Variants in LUZP1 observed in about 807,000 individuals in gnomAD.
LUZP1 encodes the protein leucine zipper protein 1.
A neutral mutation model predicts 71.3 loss-of-function variants in LUZP1; 25 were observed. That is an observed-to-expected ratio of 0.35 (90% CI 0.26 to 0.49). LUZP1 has a LOEUF of 0.49. LUZP1 is among the 20% of genes least tolerant of loss of function. The probability of loss-of-function intolerance (pLI) is 0.99; values close to 1 mark genes in which losing one functional copy is unlikely to be tolerated. For missense variants in LUZP1, 1,142 were observed against 1,300.8 expected (o/e 0.88, Z 1.88); for synonymous variants, 481 against 506.4 (o/e 0.95, Z 0.67).
At chr1:23,111,269 G>A (rs1274396321) in intron 2 of LUZP1, among the ~76,000 whole-genome samples, 4 of 151,268 alleles carry the variant, frequency 2.6e-5, no homozygotes, top group African/African-American at 9.7e-5. Flanking sequence ...AAAGGATCTA[G>A]GCCAGGCACA....
At chr1:23,089,558 G>A (rs751364909) in intron 4 of LUZP1, among the ~76,000 whole-genome samples, 27 of 151,880 alleles carry the variant, frequency 1.8e-4, no homozygotes, top group Non-Finnish European at 3.4e-4. Context: ...CAAAGCTTCA[G>A]GGGCCCAAAT....
At chr1:23,177,958 G>T (rs1409759234), upstream of LUZP1, 3 of 152,362 alleles carry the variant, frequency 2.0e-5, no homozygotes, top group African/African-American at 7.2e-5. Context: ...GACCGGCCGG[G>T]GGATGGGACC....
At chr1:23,096,072 T>C (rs956683117) in intron 3 of LUZP1, among the ~76,000 whole-genome samples, 4 of 151,454 alleles carry the variant, frequency 2.6e-5, no homozygotes, top group Non-Finnish European at 4.4e-5. Flanking sequence ...ACTAAGATTA[T>C]TGGCTAGAGA....
At position 23,094,510 on chromosome 1, in the gene LUZP1, G is replaced by C. The variant is rs1048403025; in HGVS notation, c.-119-130C>G. ...TAGCAGGGGCTCAAACCTGTTGAAT[G>C]AATGACTTGAATAAACCTGCAAGAA... On this transcript the variant is annotated intron_variant, in intron 3 of 4. Transcript: ENST00000302291. The surrounding 1 kb of genome is among the most constrained non-coding windows in gnomAD (Gnocchi z 4.7). 23 of 449,174 alleles carry C rather than the reference G, an allele frequency of 5.1e-5. No individual in the cohort carries two copies. Among genetic ancestry groups the C allele is most frequent in the Non-Finnish European group, 6.8e-5 (19 of 281,276 alleles). 27.8% of individuals were successfully genotyped at this position (449,174 alleles called of 1,614,324 possible). A position where few individuals can be genotyped will look rare whatever the true frequency, so the allele number is the denominator to read the frequency against.
exon 4 of LUZP1, chr1:23,092,112 G>A (rs375575786): frequency 1.8e-5 from 29 of 1,614,068 alleles, no homozygotes; most frequent in Non-Finnish European, 2.3e-5. Flanking sequence ...AGATTTCACA[G>A]ATTCATTCTC....
intron 2 of LUZP1, among the ~76,000 whole-genome samples, chr1:23,151,742 C>T (rs578212864): frequency 1.6e-4 from 24 of 152,204 alleles, no homozygotes; most frequent in Middle Eastern, 3.4e-3. Flanking sequence ...CAGTGGCTCA[C>T]GCCTGTAATC....
intron 2 of LUZP1, among the ~76,000 whole-genome samples, chr1:23,120,243 AG>A (rs1271422202): frequency 2.0e-5 from 3 of 151,850 alleles, no homozygotes; most frequent in Admixed American, 1.3e-4. Flanking sequence ...GCACCAGCCT[AG>A]GAAGTCCAAT....
rs1011313079 is a variant in LUZP1 at position 23,090,769 on chromosome 1, T to TC, written c.3072+420dup. On this transcript the variant is annotated intron_variant, in intron 4 of 4. Coordinates refer to ENST00000302291, the Ensembl canonical transcript of LUZP1. ...GCGGCCGAGAACTTGCTGACCTGGC[T>TC]CCCCCTCACTGTGCCCTACAGAAAG... 4.4e-6 allele frequency: 3 copies of TC among 677,970 alleles called. No homozygotes were observed. In the African/African-American group the frequency reaches 5.4e-5, roughly 12 times the overall value. The allele number at this position is 677,970 out of a possible 1,614,324, so 42.0% of individuals were successfully genotyped here. A position where few individuals can be genotyped will look rare whatever the true frequency, so the allele number is the denominator to read the frequency against.
In LUZP1 at chr1:23,094,410, T is replaced by A; in HGVS notation, c.-119-30A>T. ...AAAAGGAAAGTAGAAAGCATGTCAG[T>A]CAGCAAATGTAAAACCTGCACGTTA... On this transcript the variant is annotated intron_variant, in intron 3 of 4. Coordinates refer to ENST00000302291, the Ensembl canonical transcript of LUZP1. This position sits in a 1 kb window ranked among gnomAD's most constrained non-coding sequence, Gnocchi z 4.7. 7.1e-7 allele frequency: 1 copy of A among 1,404,760 alleles called. No individual in the cohort carries two copies. Among genetic ancestry groups the A allele is most frequent in the Non-Finnish European group, 9.2e-7 (1 of 1,084,014 alleles). The allele number at this position is 1,404,760 out of a possible 1,614,324, so 87.0% of individuals were successfully genotyped here. A position where few individuals can be genotyped will look rare whatever the true frequency, so the allele number is the denominator to read the frequency against.
At chr1:23,124,353 C>T (rs1172647655) in intron 2 of LUZP1, among the ~76,000 whole-genome samples, 2 of 152,142 alleles carry the variant, frequency 1.3e-5, no homozygotes, top group Non-Finnish European at 2.9e-5. Context: ...AGACTCCCAA[C>T]TCTGGTATCT....
At chr1:23,113,899 G>A in intron 2 of LUZP1, among the ~76,000 whole-genome samples, 1 of 149,890 alleles carries the variant, frequency 6.7e-6, no homozygotes, top group South Asian at 2.1e-4. Flanking sequence ...AAAAAAAAAA[G>A]AAAATATGCT....
chr1:23,085,545 T>A (rs1161554880), exon 5 of LUZP1: 1 of 152,556 alleles, frequency 6.6e-6, no homozygotes, highest in Non-Finnish European at 1.5e-5. Context: ...ACCCAGCCTC[T>A]GGGTCCCCAT....
intron 2 of LUZP1, among the ~76,000 whole-genome samples, chr1:23,135,997 T>C (rs1644250058): frequency 6.6e-6 from 1 of 152,170 alleles, no homozygotes; most frequent in Admixed American, 6.6e-5. Context: ...ATTCTGCTAG[T>C]ACTTAATTAT....
At chr1:23,152,545 T>C (rs371084336) in intron 2 of LUZP1, among the ~76,000 whole-genome samples, 7 of 152,178 alleles carry the variant, frequency 4.6e-5, no homozygotes, top group African/African-American at 1.7e-4. Context: ...CTTTCTTTAT[T>C]TTTTTGAGAC....
intron 1 of LUZP1, among the ~76,000 whole-genome samples, chr1:23,171,316 C>T (rs1644551675): frequency 6.6e-6 from 1 of 152,178 alleles, no homozygotes; most frequent in African/African-American, 2.4e-5. Context: ...ACCAGCACTC[C>T]AGTCTGCAGA....
chr1:23,177,866 G>C (rs1644592612), upstream of LUZP1: 2 of 152,508 alleles, frequency 1.3e-5, no homozygotes, highest in Middle Eastern at 3.4e-3. Flanking sequence ...GCAGCCGAGG[G>C]CCGGGGAGGA....
intron 2 of LUZP1, among the ~76,000 whole-genome samples, chr1:23,114,385 G>T: frequency 6.6e-6 from 1 of 152,140 alleles, no homozygotes; most frequent in Non-Finnish European, 1.5e-5. Flanking sequence ...TCACCAAAAA[G>T]CCAACATGGT....
chr1:23,093,058 G>C lies in LUZP1; in HGVS notation c.1204C>G (p.Leu402Val). ...TTGAGAGCAAACTCCCTGTTCCGGAGTCGTTCCCGCTTATGCTGAGGAGAC... is the reference window on the plus strand; with the variant it reads ...TTGAGAGCAAACTCCCTGTTCCGGACTCGTTCCCGCTTATGCTGAGGAGAC... Residue 402 changes from leucine (L) to valine (V), a missense_variant, in exon 4 of 5, where the codon CTC becomes GTC. Physicochemically the swap from Leu to Val is conservative, Grantham distance 32. Coordinates refer to ENST00000302291, the Ensembl canonical transcript of LUZP1. This position sits in a 1 kb window ranked among gnomAD's most constrained non-coding sequence, Gnocchi z 4.2. 1 of 1,614,174 alleles carries C rather than the reference G, an allele frequency of 6.2e-7. No homozygotes were observed. Among genetic ancestry groups the C allele is most frequent in the East Asian group, 2.2e-5 (1 of 44,886 alleles).
intron 2 of LUZP1, among the ~76,000 whole-genome samples, chr1:23,146,026 C>T (rs909411133): frequency 1.3e-5 from 2 of 152,016 alleles, no homozygotes; most frequent in Non-Finnish European, 2.9e-5. Flanking sequence ...TCCTCACCAT[C>T]GTAACACCAC....
Sources: allele counts gnomAD v4.1 joint callset (sites outside exome capture counted in the v4.1 genomes callset), GRCh38; gene constraint gnomAD v4.1.1; non-coding constraint Gnocchi (gnomAD v3.1); transcripts MANE v1.5; gene names NCBI Gene and HGNC (gene_info 2026-07-23, HGNC 2026-07-21).